FADS2: variants seen among roughly 807,000 people sequenced by gnomAD.
FADS2 encodes the protein acyl-CoA 6-desaturase.
A neutral mutation model predicts 61.2 loss-of-function variants in FADS2; 18 were observed. That is an observed-to-expected ratio of 0.29 (90% CI 0.20 to 0.44). The LOEUF is 0.44. FADS2 is among the 20% of genes least tolerant of loss of function. FADS2 has a pLI of 1.00. For missense variants in FADS2, 322 were observed against 572.7 expected (o/e 0.56, Z 4.47); for synonymous variants, 203 against 223.9 (o/e 0.91, Z 0.83).
upstream of FADS2, among the ~76,000 whole-genome samples, chr11:61,824,100 C>T (rs755063846): frequency 4.6e-5 from 7 of 151,320 alleles, no homozygotes; most frequent in Admixed American, 1.3e-4. Context: ...TCACTATCTC[C>T]GCTGGGTGCG....
intron 7 of FADS2, 39 bp downstream of exon 7, chr11:61,857,569 G>A (rs1432987163): frequency 1.3e-5 from 21 of 1,570,390 alleles, no homozygotes; most frequent in Non-Finnish European, 1.6e-5. Flanking sequence ...TGGGGAGGAG[G>A]GTGACTGGGA....
In FADS2 at chr11:61,816,965, TC is replaced by T; in HGVS notation, c.141+544del. 7.3e-7 allele frequency: 1 copy of T among 1,370,698 alleles called. No homozygotes were observed. The highest frequency in any genetic ancestry group is 1.7e-5 in the South Asian group (1 of 59,382). 84.9% of individuals were successfully genotyped at this position (1,370,698 alleles called of 1,614,324 possible). Reference sequence around the variant, plus strand: ...TCGTGGCGCGGGGAGCGAGATCCCGTCCCCCGGTGGGTCTTGGGCAACTCAC... The same window carrying T: ...TCGTGGCGCGGGGAGCGAGATCCCGTCCCCGGTGGGTCTTGGGCAACTCAC... On this transcript the variant is annotated intron_variant, in intron 1 of 11. Coordinates refer to the FADS2 transcript ENST00000257261. The surrounding 1 kb of genome is among the most constrained non-coding windows in gnomAD (Gnocchi z 7.0).
chr11:61,828,046 G>T, upstream of FADS2: 1 of 1,177,502 alleles, frequency 8.5e-7, no homozygotes, highest in Non-Finnish European at 1.1e-6. This position sits in a 1 kb window ranked among gnomAD's most constrained non-coding sequence, Gnocchi z 6.4. Flanking sequence ...ACCCGAGGCG[G>T]GGGGAGCCGG....
chr11:61,849,525 G>T (rs1007134199), intron 5 of FADS2, among the ~76,000 whole-genome samples: 3 of 151,280 alleles, frequency 2.0e-5, no homozygotes, highest in African/African-American at 7.3e-5. Context: ...GGAGGTTGAG[G>T]CTACAGTGAG....
chr11:61,831,323 G>T (rs1005549076), intron 1 of FADS2, among the ~76,000 whole-genome samples: 1 of 152,144 alleles, frequency 6.6e-6, no homozygotes, highest in Admixed American at 6.5e-5. Flanking sequence ...AGTCTGGGGA[G>T]GGACTGATCA....
At chr11:61,859,248 G>T (rs1307409398) in intron 7 of FADS2, among the ~76,000 whole-genome samples, 3 of 151,794 alleles carry the variant, frequency 2.0e-5, no homozygotes, top group Admixed American at 2.0e-4. Context: ...GCAGAGACAG[G>T]GTTTCACCAT....
chr11:61,860,950 A>C (rs2135978938), intron 7 of FADS2, among the ~76,000 whole-genome samples: 1 of 151,822 alleles, frequency 6.6e-6, no homozygotes, highest in East Asian at 2.0e-4. Flanking sequence ...CACACCTGTA[A>C]TCCTAGTACT....
At chr11:61,833,986 G>A (rs148475735) in intron 1 of FADS2, among the ~76,000 whole-genome samples, 27 of 152,352 alleles carry the variant, frequency 1.8e-4, no homozygotes, top group African/African-American at 4.8e-4. Flanking sequence ...AGCGGGGGAC[G>A]CAGGCCATAA....
At chr11:61,824,394 A>AG (rs1409114309), upstream of FADS2, among the ~76,000 whole-genome samples, 1 of 17,386 alleles carries the variant, frequency 5.8e-5, no homozygotes, top group Admixed American at 5.1e-4. Context: ...GGGAAAAAAA[A>AG]AGAGAGAGAG....
At chr11:61,840,558 T>C (rs2135961847) in intron 3 of FADS2, 27 bp downstream of exon 3, 1 of 1,613,618 alleles carries the variant, frequency 6.2e-7, no homozygotes, top group Non-Finnish European at 8.5e-7. Flanking sequence ...TCACTTCCCC[T>C]AGCTGACAGA....
At chr11:61,837,186 A>T (rs2067181082) in intron 1 of FADS2, among the ~76,000 whole-genome samples, 2 of 152,258 alleles carry the variant, frequency 1.3e-5, no homozygotes, top group Admixed American at 1.3e-4. Context: ...GCAAGGCATA[A>T]TCCAGCTACC....
chr11:61,845,980 A>G (rs1166684334), intron 4 of FADS2, among the ~76,000 whole-genome samples: 1 of 152,124 alleles, frequency 6.6e-6, no homozygotes, highest in Non-Finnish European at 1.5e-5. Flanking sequence ...TCCTCCAAAC[A>G]TCACGCTTAC....
At chr11:61,817,039 G>C in intron 1 of FADS2, 1 of 1,241,808 alleles carries the variant, frequency 8.1e-7, no homozygotes, top group East Asian at 3.2e-5. Flanking sequence ...TAAAGGCGTC[G>C]CCGCCGGATT....
At chr11:61,833,258 G>T (rs529468037) in intron 1 of FADS2, among the ~76,000 whole-genome samples, 1 of 152,114 alleles carries the variant, frequency 6.6e-6, no homozygotes, top group East Asian at 1.9e-4. Flanking sequence ...CTTCTCTCCC[G>T]TTACACTAGG....
At chr11:61,825,257 T>C (rs1342875297), upstream of FADS2, among the ~76,000 whole-genome samples, 1 of 152,192 alleles carries the variant, frequency 6.6e-6, no homozygotes, top group African/African-American at 2.4e-5. Context: ...ATTTCTCTTA[T>C]TCCTTCATCT....
In FADS2 at chr11:61,863,072, G is replaced by T. The variant is rs747819760; in HGVS notation, c.980+3G>T. ...CTCCTTTTCCTCAACTTCATCAGGT[G>T]CCTGGGCTTTGCTGATTCATCCCTG... On this transcript the variant is annotated splice_donor_region_variant and intron_variant, in intron 8 of 11. Coordinates refer to ENST00000278840, the MANE Select transcript of FADS2 (RefSeq NM_004265.4). 1 of 1,612,646 alleles carries T rather than the reference G, an allele frequency of 6.2e-7. No individual in the cohort carries two copies. The highest frequency in any genetic ancestry group is 1.7e-5 in the Admixed American group (1 of 60,034).
At chr11:61,862,176 C>G (rs914869971) in intron 7 of FADS2, 1 of 113,818 alleles carries the variant, frequency 8.8e-6, no homozygotes, top group Non-Finnish European at 1.9e-5. Context: ...CATGAGGCTC[C>G]GTGGGTGACT....
chr11:61,848,410 C>T (rs1471145403), intron 5 of FADS2, 126 bp downstream of exon 5: 3 of 1,489,090 alleles, frequency 2.0e-6, no homozygotes, highest in Non-Finnish European at 1.8e-6. Context: ...TGGCAGCCAT[C>T]GAGGTACGAC....
upstream of FADS2, among the ~76,000 whole-genome samples, chr11:61,824,447 GGAGGGAGGGAGGGAGA>G (rs2067058899): frequency 3.8e-4 from 2 of 5,288 alleles, no homozygotes; most frequent in Non-Finnish European, 7.7e-4. Context: ...AGGGAGGGAG[GGAGGGAGGGAGGGAGA>G]GAGAGAGAGA....
Sources: allele counts gnomAD v4.1 joint callset (sites outside exome capture counted in the v4.1 genomes callset), GRCh38; gene constraint gnomAD v4.1.1; non-coding constraint Gnocchi (gnomAD v3.1); transcripts MANE v1.5; gene names NCBI Gene and HGNC (gene_info 2026-07-23, HGNC 2026-07-21).